Variants in MAP3K19 observed in about 807,000 individuals in gnomAD.
MAP3K19 encodes SPS1/STE20-related protein kinase YSK4.
MAP3K19 carries 91 observed loss-of-function variants against 114.4 expected under a neutral mutation model. The observed-to-expected ratio is 0.80, with a 90% CI of 0.67 to 0.95. The LOEUF is 0.95. Among genes scored for constraint, MAP3K19 ranks in the 40% least tolerant of loss-of-function variants. The pLI, the probability that MAP3K19 is intolerant of heterozygous loss-of-function variation, is 0.00. For missense variants in MAP3K19, 1,471 were observed against 1,573.2 expected (o/e 0.94, Z 1.10); for synonymous variants, 518 against 530.5 (o/e 0.98, Z 0.32).
intron 5 of MAP3K19, among the ~76,000 whole-genome samples, chr2:135,014,516 T>G (rs1485432657): frequency 6.6e-6 from 1 of 152,202 alleles, no homozygotes; most frequent in Non-Finnish European, 1.5e-5. Flanking sequence ...TTCTTTTTTG[T>G]GTGTGTCAGA....
intron 1 of MAP3K19, 82 bp from the exon 2 acceptor site, chr2:135,040,584 T>C (rs1298889391): frequency 6.6e-6 from 1 of 152,644 alleles, no homozygotes; most frequent in African/African-American, 2.4e-5. Flanking sequence ...TTTAATTATA[T>C]GAGAGCCAGC....
At position 134,988,114 on chromosome 2, in the gene MAP3K19, C is replaced by T. The variant is rs755862348; in HGVS notation, c.758G>A (p.Arg253His). 26 of 1,613,928 alleles carry T rather than the reference C, an allele frequency of 1.6e-5. No homozygotes were observed. The highest frequency in any genetic ancestry group is 1.1e-4 in the African/African-American group (8 of 74,886). Residue 253 changes from arginine (R) to histidine (H), a missense_variant, in exon 10 of 13, where the codon CGT (arginine) becomes CAT (histidine). By Grantham distance (29) the Arg-to-His change is conservative (BLOSUM62 0). Transcript: ENST00000392915. Reference protein sequence around the residue: ...SFVPKLSVSVRQSDELSPSNE... With the variant: ...SFVPKLSVSVHQSDELSPSNE... ...TGATGGGCTGAGCTCATCAGATTGA[C>T]GAACAGACACTGAGAGCTTAGGCAC...
chr2:134,967,369 C>A (rs1251803133), intron 12 of MAP3K19, among the ~76,000 whole-genome samples: 4 of 152,164 alleles, frequency 2.6e-5, no homozygotes, highest in African/African-American at 7.2e-5. Context: ...GTGGATTAGT[C>A]AAAGAGGAAA....
intron 12 of MAP3K19, among the ~76,000 whole-genome samples, chr2:134,974,923 G>A (rs942944119): frequency 2.1e-4 from 32 of 152,216 alleles, no homozygotes; most frequent in Admixed American, 5.2e-4. Flanking sequence ...GATCCTGGGT[G>A]TATGCAGTAG....
rs1342688947 is a variant in MAP3K19 at position 134,999,221 on chromosome 2, C to G, written c.315-224G>C. 6.6e-6 allele frequency among the ~76,000 whole-genome samples: 1 copy of G among 152,176 alleles called. No homozygotes were observed. Among genetic ancestry groups the G allele is most frequent in the Non-Finnish European group, 1.5e-5 (1 of 68,032 alleles). ...ATCGCTTGGATGGATTAGGTTTCAG[C>G]TCACTCTCGTTTTCCCAATCACCAT... On this transcript the variant is annotated intron_variant, in intron 7 of 12. Coordinates refer to ENST00000392915, the MANE Select transcript of MAP3K19 (RefSeq NM_025052.5). The surrounding 1 kb of genome is among the most constrained non-coding windows in gnomAD (Gnocchi z 4.1).
chr2:134,980,826 C>A lies in MAP3K19; in HGVS notation c.3915G>T (p.Leu1305=). 1.2e-6 allele frequency: 2 copies of A among 1,610,662 alleles called. No individual in the cohort carries two copies. The highest frequency in any genetic ancestry group is 2.2e-5 in the South Asian group (2 of 90,958). Residue 1305 remains leucine, a synonymous_variant, in exon 12 of 13, where the codon CTG becomes CTT. Coordinates refer to ENST00000392915, the MANE Select transcript of MAP3K19 (RefSeq NM_025052.5). ...ENAADFVRMC[L]TRDQHERPSA... ...TCTTGCTTTCAGTTTCTTACCTGGTCAGGCACATGCGCACAAAGTCTGCTG... is the reference window on the plus strand; with the variant it reads ...TCTTGCTTTCAGTTTCTTACCTGGTAAGGCACATGCGCACAAAGTCTGCTG...
chr2:134,966,015 GA>G (rs1307797117), intron 12 of MAP3K19, among the ~76,000 whole-genome samples: 1 of 152,132 alleles, frequency 6.6e-6, no homozygotes, highest in Non-Finnish European at 1.5e-5. Flanking sequence ...TTTTACTTAA[GA>G]TAAAGAACTC....
chr2:135,020,312 C>A (rs1215801845), intron 5 of MAP3K19, among the ~76,000 whole-genome samples: 1 of 152,110 alleles, frequency 6.6e-6, no homozygotes, highest in East Asian at 1.9e-4. Context: ...AGCCACCGTG[C>A]CTGTCTCTTT....
chr2:135,042,513 A>AAG, intron 1 of MAP3K19, among the ~76,000 whole-genome samples: 1 of 151,018 alleles, frequency 6.6e-6, no homozygotes, highest in South Asian at 2.1e-4. Flanking sequence ...AAAAAAAAAA[A>AAG]AAAAAAGAAA....
intron 12 of MAP3K19, among the ~76,000 whole-genome samples, chr2:134,967,857 CT>C (rs573777137): frequency 2.0e-3 from 280 of 143,066 alleles, no homozygotes; most frequent in Non-Finnish European, 1.8e-3. Context: ...TTCTTTCTTT[CT>C]TTTTTTTTTT....
At chr2:135,026,862 A>G (rs1336026478) in intron 3 of MAP3K19, among the ~76,000 whole-genome samples, 1 of 152,238 alleles carries the variant, frequency 6.6e-6, no homozygotes, top group Non-Finnish European at 1.5e-5. Context: ...CAAGAAATGA[A>G]ACAAAGAGCC....
chr2:134,982,113 CT>C (rs35219224), intron 11 of MAP3K19, among the ~76,000 whole-genome samples: 1,974 of 76,318 alleles, frequency 0.026, 16 homozygotes, highest in African/African-American at 0.092. Flanking sequence ...CTTTTTCTTT[CT>C]TTTTTTTTTT....
At chr2:135,025,497 T>C (rs1688225862) in intron 3 of MAP3K19, among the ~76,000 whole-genome samples, 1 of 148,772 alleles carries the variant, frequency 6.7e-6, no homozygotes, top group South Asian at 2.2e-4. Context: ...GCCATTCTCC[T>C]GCCTCAGCCT....
intron 12 of MAP3K19, among the ~76,000 whole-genome samples, chr2:134,979,845 C>G (rs1684504515): frequency 6.6e-6 from 1 of 151,972 alleles, no homozygotes; most frequent in Non-Finnish European, 1.5e-5. Context: ...GAGAGAGAGA[C>G]AGAGACTGAA....
At chr2:134,968,064 A>T (rs1187165410) in intron 12 of MAP3K19, among the ~76,000 whole-genome samples, 1 of 152,048 alleles carries the variant, frequency 6.6e-6, no homozygotes, top group Non-Finnish European at 1.5e-5. Context: ...GATGACTCCC[A>T]ACGAGCATGC....
At chr2:134,993,368 C>A (rs547885500) in intron 8 of MAP3K19, among the ~76,000 whole-genome samples, 1 of 152,338 alleles carries the variant, frequency 6.6e-6, no homozygotes, top group Admixed American at 6.5e-5. Flanking sequence ...GGAGGGGGCA[C>A]AGGCATTCCC....
chr2:135,000,345 G>C (rs1478668483), intron 6 of MAP3K19, among the ~76,000 whole-genome samples: 2 of 152,186 alleles, frequency 1.3e-5, no homozygotes, highest in Non-Finnish European at 2.9e-5. Context: ...GAACTATTGT[G>C]AGCATTCAAT....
intron 2 of MAP3K19, among the ~76,000 whole-genome samples, chr2:135,039,436 G>T (rs958559438): frequency 4.1e-5 from 6 of 147,362 alleles, no homozygotes; most frequent in African/African-American, 1.3e-4. Context: ...AAAAAAATTA[G>T]CCGGGCATGG....
rs758051984 is a variant in MAP3K19 at position 134,987,335 on chromosome 2, G to A, written c.1537C>T (p.His513Tyr). 15 of 1,613,984 alleles carry A rather than the reference G, an allele frequency of 9.3e-6. No homozygotes were observed. The South Asian group carries it at 1.4e-4, about 15-fold the overall frequency. The stretch of plus-strand genomic sequence containing the variant: ...GGTATGTTGACACTATGGTTGTTAT[G>A]AATGGTTCCCTTTCTTGTTTGGAGG... Reference protein sequence around the residue: ...PSLQTRKGTIHNNHSVNIPVH... With the variant: ...PSLQTRKGTIYNNHSVNIPVH... The change falls in exon 10 of 13, where the codon CAT becomes TAT. Residue 513 changes from histidine to tyrosine, a missense_variant. By Grantham distance (83) the His-to-Tyr change is moderately conservative. Transcript: ENST00000392915.
Sources: allele counts gnomAD v4.1 joint callset (sites outside exome capture counted in the v4.1 genomes callset), GRCh38; gene constraint gnomAD v4.1.1; non-coding constraint Gnocchi (gnomAD v3.1); transcripts MANE v1.5; gene names NCBI Gene and HGNC (gene_info 2026-07-23, HGNC 2026-07-21).